Variants in NTRK2 observed in about 807,000 individuals in gnomAD.
NTRK2 encodes the protein neurotrophic receptor tyrosine kinase 2, also known as BDNF/NT-3 growth factors receptor.
A neutral mutation model predicts 94.5 loss-of-function variants in NTRK2; 13 were observed. The observed-to-expected ratio is 0.14, with a 90% CI of 0.09 to 0.22. The LOEUF is 0.22. NTRK2 is among the 10% of genes least tolerant of loss of function. The pLI is 1.00. For synonymous variants in NTRK2, 372 were observed against 407.4 expected (o/e 0.91, Z 1.05); for missense variants, 639 against 1,071.2 (o/e 0.60, Z 5.63).
chr9:84,757,222 T>G (rs1384184256), intron 12 of NTRK2, among the ~76,000 whole-genome samples: 1 of 152,182 alleles, frequency 6.6e-6, no homozygotes, highest in Non-Finnish European at 1.5e-5. Flanking sequence ...CTCTTGTTTT[T>G]CAAAATTTCA....
At chr9:84,895,308 C>A (rs2076726101) in intron 14 of NTRK2, among the ~76,000 whole-genome samples, 1 of 152,194 alleles carries the variant, frequency 6.6e-6, no homozygotes, top group Non-Finnish European at 1.5e-5. Context: ...GTCCCTGGCA[C>A]TTTTGATCCA....
intron 9 of NTRK2, among the ~76,000 whole-genome samples, chr9:84,730,905 A>G (rs2062842626): frequency 6.6e-6 from 1 of 150,686 alleles, no homozygotes. Context: ...ATGATAATTG[A>G]TGAAGAAGTT....
chr9:84,895,867 C>T (rs2076743846), intron 14 of NTRK2, among the ~76,000 whole-genome samples: 2 of 152,196 alleles, frequency 1.3e-5, no homozygotes, highest in Non-Finnish European at 1.5e-5. Flanking sequence ...AAATGGTGCT[C>T]CGAGACCTTT....
chr9:84,711,812 T>C (rs1305622566), intron 6 of NTRK2, among the ~76,000 whole-genome samples: 1 of 152,236 alleles, frequency 6.6e-6, no homozygotes, highest in African/African-American at 2.4e-5. Context: ...CTGAATGACC[T>C]TAGAAGACGG....
In NTRK2 at chr9:84,888,611, CAAAAAAAAAAAAAAAAAAAAAAAAA is replaced by C. The variant is rs71369158; in HGVS notation, c.1633+21194_1633+21218del. Among the ~76,000 whole-genome samples the C allele has an allele frequency of 2.1e-4, 7 of 33,848 alleles. No homozygotes were observed. The East Asian group carries it at 0.011, about 52-fold the overall frequency. 22.2% of individuals were successfully genotyped at this position (33,848 alleles called of 152,430 possible). A position where few individuals can be genotyped will look rare whatever the true frequency, so the allele number is the denominator to read the frequency against. ...CTGGCGACAGAGCAACACTCCATCT[CAAAAAAAAAAAAAAAAAAAAAAAAA>C]AAAAAAAAAAAAAGTGGCAGAGAAG... On this transcript the variant is annotated intron_variant, in intron 14 of 18. Transcript: ENST00000277120.
intron 2 of NTRK2, among the ~76,000 whole-genome samples, chr9:84,680,226 A>G (rs2059310643): frequency 2.0e-5 from 3 of 152,198 alleles, no homozygotes; most frequent in African/African-American, 4.8e-5. Context: ...GGTACTCTGC[A>G]GAGGCAAGGA....
At chr9:84,742,038 C>A in intron 10 of NTRK2, 111 bp downstream of exon 10, 2 of 976,620 alleles carry the variant, frequency 2.0e-6, no homozygotes, top group Non-Finnish European at 3.1e-6. Context: ...ACACTTTAAG[C>A]ATTACATAGG....
At chr9:84,782,971 T>C (rs1489772221) in intron 12 of NTRK2, among the ~76,000 whole-genome samples, 2 of 152,134 alleles carry the variant, frequency 1.3e-5, no homozygotes, top group Non-Finnish European at 2.9e-5. Flanking sequence ...AAGTGTAATA[T>C]ACAATACTTC....
intron 12 of NTRK2, among the ~76,000 whole-genome samples, chr9:84,763,255 C>T (rs1170140450): frequency 6.6e-6 from 1 of 152,142 alleles, no homozygotes; most frequent in Non-Finnish European, 1.5e-5. Context: ...TTTTGAAACT[C>T]TAAGTCTGAG....
At chr9:84,694,804 C>A (rs190703032) in intron 2 of NTRK2, among the ~76,000 whole-genome samples, 149 of 152,206 alleles carry the variant, frequency 9.8e-4, no homozygotes, top group African/African-American at 3.3e-3. Context: ...TATCTATCAT[C>A]TGTCTATCTA....
At position 84,984,817 on chromosome 9, in the gene NTRK2, A is replaced by G. The variant is rs114493176; in HGVS notation, c.2172+29300A>G. Among the ~76,000 whole-genome samples, 480 of 152,364 alleles carry G rather than the reference A, an allele frequency of 3.2e-3. 3 individuals carry two copies. Among genetic ancestry groups the G allele is most frequent in the African/African-American group, 0.011 (454 of 41,588 alleles). On this transcript the variant is annotated intron_variant, in intron 17 of 18. Transcript: ENST00000277120. ...TTGCCGCTAATGTACTGTGTTGCCA[A>G]AGAAAAACCTCTCCACATCTCTATT...
intron 2 of NTRK2, among the ~76,000 whole-genome samples, chr9:84,684,142 G>T (rs904454443): frequency 2.7e-5 from 4 of 150,818 alleles, no homozygotes; most frequent in African/African-American, 9.8e-5. Context: ...CATTCTGTAG[G>T]TTGCCTGTTC....
rs2072032752 is a variant in NTRK2, at chr9:84,813,434, T to C, written c.1397-47606T>C. Reference sequence around the variant, plus strand: ...TCTGTGGGCTGCCAGTTTATTACTTTTGTCTTAAAACATGATCATTGTTCT... The same window carrying C: ...TCTGTGGGCTGCCAGTTTATTACTTCTGTCTTAAAACATGATCATTGTTCT... On this transcript the variant is annotated intron_variant, in intron 12 of 18. Coordinates refer to ENST00000277120, the MANE Select transcript of NTRK2 (RefSeq NM_006180.6). 4.7e-6 allele frequency: 5 copies of C among 1,064,328 alleles called. No homozygotes were observed. The Admixed American group carries it at 2.1e-4, about 46-fold the overall frequency. The allele number at this position is 1,064,328 out of a possible 1,614,324, so 65.9% of individuals were successfully genotyped here.
chr9:84,744,028 G>A (rs1003025391), intron 10 of NTRK2, among the ~76,000 whole-genome samples: 1 of 152,136 alleles, frequency 6.6e-6, no homozygotes, highest in Non-Finnish European at 1.5e-5. Context: ...AAGTTTAGCT[G>A]GGGCTGCATT....
At chr9:84,821,772 G>T (rs767821000) in intron 12 of NTRK2, among the ~76,000 whole-genome samples, 2 of 151,140 alleles carry the variant, frequency 1.3e-5, no homozygotes, top group Non-Finnish European at 2.9e-5. Context: ...CAGCCTGAAG[G>T]TTTCCTTATA....
At chr9:84,780,126 G>A (rs2067425902) in intron 12 of NTRK2, among the ~76,000 whole-genome samples, 1 of 151,826 alleles carries the variant, frequency 6.6e-6, no homozygotes, top group African/African-American at 2.4e-5. Context: ...ACGTGTTAGA[G>A]TTCCACCAGT....
intron 17 of NTRK2, among the ~76,000 whole-genome samples, chr9:84,968,064 A>T (rs1825761739): frequency 6.6e-6 from 1 of 152,162 alleles, no homozygotes; most frequent in African/African-American, 2.4e-5. Context: ...AGACTGACAT[A>T]CCTGGCCTCC....
chr9:84,894,161 T>G lies in NTRK2; in HGVS notation c.1633+26730T>G, dbSNP rs62563860. On this transcript the variant is annotated intron_variant, in intron 14 of 18. Transcript: ENST00000277120. ...GGGGTGTTTGGGTGTTACTTGACTA[T>G]TTGGGAGAATATATTTTTATAACAC... Among the ~76,000 whole-genome samples, 19 of 5,034 alleles carry G rather than the reference T, an allele frequency of 3.8e-3. No individual in the cohort carries two copies. In the East Asian group the frequency reaches 0.041, roughly 11 times the overall value. The allele number at this position is 5,034 out of a possible 152,430, so 3.3% of individuals were successfully genotyped here.
chr9:84,767,094 A>T (rs1033316490), intron 12 of NTRK2, among the ~76,000 whole-genome samples: 2 of 152,182 alleles, frequency 1.3e-5, no homozygotes, highest in Non-Finnish European at 2.9e-5. Flanking sequence ...TTTTCTTGAA[A>T]TTCTTCTCAT....
Sources: allele counts gnomAD v4.1 joint callset (sites outside exome capture counted in the v4.1 genomes callset), GRCh38; gene constraint gnomAD v4.1.1; transcripts MANE v1.5; gene names NCBI Gene and HGNC (gene_info 2026-07-23, HGNC 2026-07-21).